The following FBXL7 variants were observed in gnomAD, a reference collection of about 807,000 sequenced individuals.
FBXL7 encodes F-box/LRR-repeat protein 7.
A neutral mutation model predicts 38.3 loss-of-function variants in FBXL7; 12 were observed. That is an observed-to-expected ratio of 0.31 (90% CI 0.20 to 0.51). The LOEUF is 0.51. FBXL7 is among the 20% of genes least tolerant of loss of function. FBXL7 has a pLI of 0.98. For synonymous variants in FBXL7, 297 were observed against 300.9 expected (o/e 0.99, Z 0.13); for missense variants, 567 against 676.4 (o/e 0.84, Z 1.79).
At chr5:15,569,215 C>A (rs1034046681) in intron 1 of FBXL7, among the ~76,000 whole-genome samples, 4 of 152,028 alleles carry the variant, frequency 2.6e-5, no homozygotes, top group African/African-American at 9.7e-5. Context: ...ATTCTTCCTA[C>A]CTATGAGCAT....
chr5:15,722,930 C>CA lies in FBXL7; in HGVS notation c.127+106869dup, dbSNP rs1554017097. Reference sequence around the variant, plus strand: ...GAGCAAGACTCCGTCTCAAAAAAAACAAAAAAAAAAAGAGAGAAGAGAAAA... The same window carrying CA: ...GAGCAAGACTCCGTCTCAAAAAAAACAAAAAAAAAAAAGAGAGAAGAGAAAA... On this transcript the variant is annotated intron_variant, in intron 2 of 3. Coordinates refer to ENST00000504595, the MANE Select transcript of FBXL7 (RefSeq NM_012304.5). 7.5e-4 allele frequency among the ~76,000 whole-genome samples: 107 copies of CA among 142,044 alleles called. 1 individual carries two copies. In the South Asian group the frequency reaches 8.7e-3, roughly 12 times the overall value. 93.2% of individuals were successfully genotyped at this position (142,044 alleles called of 152,430 possible). A position where few individuals can be genotyped will look rare whatever the true frequency, so the allele number is the denominator to read the frequency against.
intron 2 of FBXL7, among the ~76,000 whole-genome samples, chr5:15,877,162 A>G (rs1740245665): frequency 6.6e-6 from 1 of 152,182 alleles, no homozygotes; most frequent in Non-Finnish European, 1.5e-5. Flanking sequence ...CTGGCTTCAC[A>G]ACATATCTGC....
At chr5:15,564,018 C>T (rs149749794) in intron 1 of FBXL7, among the ~76,000 whole-genome samples, 3 of 152,180 alleles carry the variant, frequency 2.0e-5, no homozygotes, top group Admixed American at 2.0e-4. Context: ...GCCCTTTTAT[C>T]GTTGGAAACC....
At chr5:15,629,513 CAT>C (rs1740930739) in intron 2 of FBXL7, among the ~76,000 whole-genome samples, 1 of 152,184 alleles carries the variant, frequency 6.6e-6, no homozygotes, top group Admixed American at 6.5e-5. Context: ...AGAAACCAAA[CAT>C]ATAACTTATA....
At chr5:15,824,376 A>G (rs257756) in intron 2 of FBXL7, among the ~76,000 whole-genome samples, 1 of 150,978 alleles carries the variant, frequency 6.6e-6, no homozygotes, top group East Asian at 2.0e-4. Context: ...TGTTGTTCCT[A>G]CCTGACTGTG....
intron 2 of FBXL7, among the ~76,000 whole-genome samples, chr5:15,680,858 TTTAA>T (rs1290538099): frequency 6.6e-6 from 1 of 152,230 alleles, no homozygotes; most frequent in Non-Finnish European, 1.5e-5. Flanking sequence ...GGGTTATGGC[TTTAA>T]TTATTCTCAC....
intron 2 of FBXL7, among the ~76,000 whole-genome samples, chr5:15,710,247 C>A (rs1743819940): frequency 6.6e-6 from 1 of 152,142 alleles, no homozygotes; most frequent in South Asian, 2.1e-4. Flanking sequence ...GCCACGCACA[C>A]CCTCGTTGAC....
At chr5:15,720,148 C>G (rs1024265657) in intron 2 of FBXL7, among the ~76,000 whole-genome samples, 3 of 148,996 alleles carry the variant, frequency 2.0e-5, no homozygotes, top group African/African-American at 7.3e-5. Context: ...ACCATAATAC[C>G]AACAAACAGT....
intron 1 of FBXL7, among the ~76,000 whole-genome samples, chr5:15,540,241 G>T (rs887122763): frequency 6.6e-6 from 1 of 152,114 alleles, no homozygotes; most frequent in Non-Finnish European, 1.5e-5. Context: ...TTATTCTTTT[G>T]TAGTACAATT....
intron 2 of FBXL7, among the ~76,000 whole-genome samples, chr5:15,647,978 A>T (rs994214939): frequency 6.6e-6 from 1 of 152,216 alleles, no homozygotes; most frequent in East Asian, 1.9e-4. Flanking sequence ...GCCAGTAGGC[A>T]CTGGAATGCT....
chr5:15,742,144 A>G lies in FBXL7; in HGVS notation c.127+126072A>G, dbSNP rs574381798. The stretch of plus-strand genomic sequence containing the variant: ...AACTACTTAATAAGGGGAGATTTAT[A>G]TATAAATACTCCCTGGTGAGAAATA... On this transcript the variant is annotated intron_variant, in intron 2 of 3. Transcript: ENST00000504595. Among the ~76,000 whole-genome samples, 482 of 152,336 alleles carry G rather than the reference A, an allele frequency of 3.2e-3. 7 individuals carry two copies. The highest frequency in any genetic ancestry group is 0.011 in the African/African-American group (460 of 41,564).
At chr5:15,860,480 C>T (rs965742306) in intron 2 of FBXL7, among the ~76,000 whole-genome samples, 1 of 152,246 alleles carries the variant, frequency 6.6e-6, no homozygotes, top group South Asian at 2.1e-4. Context: ...CCTTGCACAT[C>T]GTATTGAAAA....
chr5:15,652,868 ATAAC>A (rs1741756528), intron 2 of FBXL7, among the ~76,000 whole-genome samples: 1 of 152,232 alleles, frequency 6.6e-6, no homozygotes, highest in African/African-American at 2.4e-5. Context: ...ATATTTAAAA[ATAAC>A]TAAGTAAGCA....
chr5:15,546,872 C>G (rs2126416155), intron 1 of FBXL7, among the ~76,000 whole-genome samples: 1 of 152,226 alleles, frequency 6.6e-6, no homozygotes, highest in Middle Eastern at 3.4e-3. Flanking sequence ...TGGAGGGGCA[C>G]ATAAGGTAGG....
intron 2 of FBXL7, among the ~76,000 whole-genome samples, chr5:15,820,357 C>T (rs1738136399): frequency 1.3e-5 from 2 of 152,166 alleles, no homozygotes; most frequent in South Asian, 2.1e-4. Context: ...AGCACCTGAT[C>T]TGGATCCCAT....
At chr5:15,893,032 C>T (rs1462373106) in intron 2 of FBXL7, among the ~76,000 whole-genome samples, 4 of 151,510 alleles carry the variant, frequency 2.6e-5, no homozygotes, top group Non-Finnish European at 5.9e-5. Flanking sequence ...AGGAGAATGG[C>T]GCGAACCTGG....
At chr5:15,583,422 G>A (rs908311811) in intron 1 of FBXL7, among the ~76,000 whole-genome samples, 2 of 152,200 alleles carry the variant, frequency 1.3e-5, no homozygotes, top group African/African-American at 2.4e-5. Context: ...TCTGAGAGAA[G>A]GAAAGTGCCT....
At chr5:15,609,444 C>A (rs2126507220) in intron 1 of FBXL7, among the ~76,000 whole-genome samples, 1 of 152,286 alleles carries the variant, frequency 6.6e-6, no homozygotes, top group Middle Eastern at 3.4e-3. Flanking sequence ...TTGTGAGTGT[C>A]TTTTGTGAGT....
chr5:15,677,976 G>C (rs575917248), intron 2 of FBXL7, among the ~76,000 whole-genome samples: 1 of 152,056 alleles, frequency 6.6e-6, no homozygotes, highest in Non-Finnish European at 1.5e-5. Flanking sequence ...GGAACATTAC[G>C]TTTGTCAACT....
Sources: gnomAD v4.1 joint callset for allele counts (sites outside exome capture counted in the v4.1 genomes callset) on GRCh38, gnomAD v4.1.1 for gene constraint, MANE v1.5 for transcripts, NCBI Gene and HGNC (gene_info 2026-07-23, HGNC 2026-07-21) for gene names.